The following RAI1 variants were observed in gnomAD, a reference collection of about 807,000 sequenced individuals.
RAI1 encodes the protein retinoic acid-induced protein 1.
In RAI1, 9 loss-of-function variants were observed where a neutral mutation model predicts 123.8. The observed-to-expected ratio is 0.07, with a 90% CI of 0.04 to 0.13. The LOEUF (loss-of-function observed/expected upper bound fraction) is 0.13, where lower values mean the gene tolerates loss of function less well. Ranked by LOEUF, RAI1 falls within the 10% of genes least tolerant of loss-of-function variation. The pLI is 1.00. For missense variants in RAI1, 2,256 were observed against 2,545.8 expected (o/e 0.89, Z 2.45); for synonymous variants, 1,231 against 1,127.3 (o/e 1.09, Z -1.84).
chr17:17,797,362 G>T lies in RAI1; in HGVS notation c.4414G>T (p.Ala1472Ser), dbSNP rs760574893. 2 of 1,612,448 alleles carry T rather than the reference G, an allele frequency of 1.2e-6. No homozygotes were observed. The highest frequency in any genetic ancestry group is 1.7e-6 in the Non-Finnish European group (2 of 1,179,694). ...GGAGAAGCGGCCCTATCTTGGCCCGGCTCTGCTCCTGACTCCCCGAGACAG... is the reference window on the plus strand; with the variant it reads ...GGAGAAGCGGCCCTATCTTGGCCCGTCTCTGCTCCTGACTCCCCGAGACAG... ...PLEKRPYLGPALLLTPRDRAS... is the reference protein window; with the variant it reads ...PLEKRPYLGPSLLLTPRDRAS... The change falls in exon 3 of 6, where the codon GCT becomes TCT. Residue 1472 changes from alanine to serine, a missense_variant. Physicochemically the swap from Ala to Ser is moderately conservative, Grantham distance 99. Around this residue, in one of 7 missense-constraint regions of RAI1, gnomAD observed 410 missense variants for 374.6 expected, o/e 1.09. Coordinates refer to ENST00000353383, the MANE Select transcript of RAI1 (RefSeq NM_030665.4).
chr17:17,710,878 T>C (rs773721321), intron 1 of RAI1, among the ~76,000 whole-genome samples: 11 of 152,304 alleles, frequency 7.2e-5, no homozygotes, highest in Non-Finnish European at 1.2e-4. Context: ...GTTCATGGCA[T>C]AAGCTAGCCA....
At chr17:17,774,874 T>C (rs933301377) in intron 2 of RAI1, among the ~76,000 whole-genome samples, 1 of 152,184 alleles carries the variant, frequency 6.6e-6, no homozygotes, top group Admixed American at 6.5e-5. Context: ...ATGAGGAAAC[T>C]GAGGCACAGG....
At chr17:17,753,416 A>G (rs949004929) in intron 2 of RAI1, among the ~76,000 whole-genome samples, 4 of 152,246 alleles carry the variant, frequency 2.6e-5, no homozygotes, top group Non-Finnish European at 5.9e-5. Flanking sequence ...TGGCACTCCC[A>G]CAAAACAAAA....
At chr17:17,712,829 T>C (rs561020866) in intron 1 of RAI1, among the ~76,000 whole-genome samples, 1 of 152,308 alleles carries the variant, frequency 6.6e-6, no homozygotes, top group African/African-American at 2.4e-5. Flanking sequence ...TGACTGTGTA[T>C]AATGCTATGT....
intron 3 of RAI1, among the ~76,000 whole-genome samples, chr17:17,798,858 C>T (rs2032361438): frequency 1.3e-5 from 2 of 152,222 alleles, no homozygotes. Context: ...TGCCAAGGCC[C>T]AGAGAACACG....
chr17:17,797,378 C>A lies in RAI1; in HGVS notation c.4430C>A (p.Pro1477His), dbSNP rs73297817. The A allele has an allele frequency of 1.9e-6, 3 of 1,612,814 alleles. No individual in the cohort carries two copies. Among genetic ancestry groups the A allele is most frequent in the African/African-American group, 2.7e-5 (2 of 75,030 alleles). Residue 1477 changes from proline to histidine, a missense_variant, in exon 3 of 6, where the codon CCC becomes CAC. Physicochemically the swap from Pro to His is moderately conservative, Grantham distance 77. Coordinates refer to ENST00000353383, the MANE Select transcript of RAI1 (RefSeq NM_030665.4). Reference protein sequence around the residue: ...PYLGPALLLTPRDRASGTQGA... With the variant: ...PYLGPALLLTHRDRASGTQGA... ...CTTGGCCCGGCTCTGCTCCTGACTC[C>A]CCGAGACAGGGCCAGTGGCACACAA...
At chr17:17,770,285 G>A (rs141929894) in intron 2 of RAI1, among the ~76,000 whole-genome samples, 2 of 152,132 alleles carry the variant, frequency 1.3e-5, no homozygotes, top group South Asian at 2.1e-4. Context: ...GCAGGGGAAG[G>A]AGCCTGTGGC....
At chr17:17,744,756 C>T (rs1916763078) in intron 2 of RAI1, among the ~76,000 whole-genome samples, 1 of 139,556 alleles carries the variant, frequency 7.2e-6, no homozygotes. Context: ...TGCCACTGCA[C>T]TCCAGCCTGG....
At chr17:17,721,563 T>G (rs1915881451) in intron 1 of RAI1, among the ~76,000 whole-genome samples, 1 of 151,900 alleles carries the variant, frequency 6.6e-6, no homozygotes, top group African/African-American at 2.4e-5. Context: ...GGGGACCTGA[T>G]TGTGTGGGCT....
chr17:17,804,314 A>G (rs1272345928), intron 4 of RAI1, among the ~76,000 whole-genome samples: 2 of 152,164 alleles, frequency 1.3e-5, no homozygotes, highest in African/African-American at 4.8e-5. Flanking sequence ...CCCATGGAGC[A>G]ATTGTGGAAG....
At chr17:17,686,828 C>T (rs940518525) in intron 1 of RAI1, among the ~76,000 whole-genome samples, 2 of 151,922 alleles carry the variant, frequency 1.3e-5, no homozygotes, top group African/African-American at 4.8e-5. Flanking sequence ...CATCGTCTCA[C>T]ACCACCATCA....
intron 2 of RAI1, among the ~76,000 whole-genome samples, chr17:17,727,443 G>A (rs1405727107): frequency 6.6e-5 from 10 of 152,234 alleles, no homozygotes; most frequent in African/African-American, 2.4e-4. Context: ...GGGGGACTGA[G>A]ACCCCAAGCT....
At chr17:17,727,177 A>G (rs1190931504) in intron 2 of RAI1, among the ~76,000 whole-genome samples, 1 of 152,194 alleles carries the variant, frequency 6.6e-6, no homozygotes, top group East Asian at 1.9e-4. Context: ...TAAATGGGAC[A>G]CTATTTTTCC....
At chr17:17,748,751 G>C (rs2030028798) in intron 2 of RAI1, among the ~76,000 whole-genome samples, 1 of 152,184 alleles carries the variant, frequency 6.6e-6, no homozygotes, top group South Asian at 2.1e-4. Flanking sequence ...AGGGCTGCAG[G>C]GCTTGGTAGC....
At chr17:17,732,326 C>T (rs528527354) in intron 2 of RAI1, among the ~76,000 whole-genome samples, 99 of 152,284 alleles carry the variant, frequency 6.5e-4, no homozygotes, top group Non-Finnish European at 1.2e-3. Flanking sequence ...CTGGGCAGGC[C>T]ACAGGCCTGA....
At position 17,796,893 on chromosome 17, in the gene RAI1, G is replaced by A. The variant is rs142775903; in HGVS notation, c.3945G>A (p.Lys1315=). Residue 1315 remains lysine, a synonymous_variant, in exon 3 of 6, where the codon AAG becomes AAA. Transcript: ENST00000353383. The surrounding 1 kb of genome is among the most constrained non-coding windows in gnomAD (Gnocchi z 5.8). ...ASRAAFQGAM[K]TKVLPPRKGR... is the part of the protein sequence containing the mutation. Reference sequence around the variant, plus strand: ...GGGCAGCCTTCCAGGGGGCCATGAAGACCAAGGTGCTGCCACCCCGGAAGG... The same window carrying A: ...GGGCAGCCTTCCAGGGGGCCATGAAAACCAAGGTGCTGCCACCCCGGAAGG... 6 of 1,613,282 alleles carry A rather than the reference G, an allele frequency of 3.7e-6. No individual in the cohort carries two copies. The highest frequency in any genetic ancestry group is 5.1e-6 in the Non-Finnish European group (6 of 1,180,028).
intron 2 of RAI1, among the ~76,000 whole-genome samples, chr17:17,752,111 G>A (rs2030198369): frequency 6.6e-6 from 1 of 152,208 alleles, no homozygotes; most frequent in Non-Finnish European, 1.5e-5. Context: ...GGAGGCCCAG[G>A]GTCTTGCAGC....
At chr17:17,719,439 C>G (rs1213277353) in intron 1 of RAI1, among the ~76,000 whole-genome samples, 4 of 152,318 alleles carry the variant, frequency 2.6e-5, no homozygotes, top group African/African-American at 7.2e-5. Context: ...CAGCTTTGCC[C>G]CCAGACAGCT....
chr17:17,746,638 T>C (rs1208669350), intron 2 of RAI1, among the ~76,000 whole-genome samples: 4 of 147,552 alleles, frequency 2.7e-5, no homozygotes, highest in South Asian at 4.3e-4. Flanking sequence ...TCTTTTCTTT[T>C]TTTTTTTTTT....
Sources: gnomAD v4.1 joint callset for allele counts (sites outside exome capture counted in the v4.1 genomes callset) on GRCh38, gnomAD v4.1.1 for gene constraint, gnomAD v4.1.1 regional missense constraint, Gnocchi (gnomAD v3.1) non-coding constraint, MANE v1.5 for transcripts, NCBI Gene and HGNC (gene_info 2026-07-23, HGNC 2026-07-21) for gene names.